The following ADD1 variants were observed in gnomAD, a reference collection of about 807,000 sequenced individuals.
ADD1 encodes the protein adducin 1, also known as alpha-adducin.
In ADD1, 24 loss-of-function variants were observed where a neutral mutation model predicts 80.5. That is an observed-to-expected ratio of 0.30 (90% CI 0.22 to 0.42). The LOEUF (loss-of-function observed/expected upper bound fraction) is 0.42. Among genes scored for constraint, ADD1 ranks in the 10% least tolerant of loss-of-function variants. The pLI, the probability that ADD1 is intolerant of heterozygous loss-of-function variation, is 1.00. For synonymous variants in ADD1, 373 were observed against 393.8 expected, an observed-to-expected ratio of 0.95 and a Z score of 0.63; for missense variants, 948 against 1,019.0, an observed-to-expected ratio of 0.93 and a Z score of 0.95.
At chr4:2,851,871 C>T (rs1166967522) in intron 1 of ADD1, among the ~76,000 whole-genome samples, 3 of 151,368 alleles carry the variant, frequency 2.0e-5, no homozygotes, top group Non-Finnish European at 2.9e-5. Flanking sequence ...GATGGAGTTT[C>T]GCTCTTGTTG....
At chr4:2,892,914 A>G (rs1452505068) in intron 4 of ADD1, among the ~76,000 whole-genome samples, 1 of 151,038 alleles carries the variant, frequency 6.6e-6, no homozygotes, top group African/African-American at 2.4e-5. Context: ...TTTATTTTTT[A>G]TTTATTTTAT....
At chr4:2,908,094 T>G (rs1393993856) in intron 11 of ADD1, among the ~76,000 whole-genome samples, 2 of 152,240 alleles carry the variant, frequency 1.3e-5, no homozygotes, top group African/African-American at 4.8e-5. Flanking sequence ...CGGTCAGAAT[T>G]GGAAGCTGCA....
chr4:2,924,459 C>T (rs1331271390), intron 14 of ADD1, among the ~76,000 whole-genome samples: 2 of 152,142 alleles, frequency 1.3e-5, no homozygotes, highest in South Asian at 2.1e-4. Context: ...TCCTCAGGGC[C>T]GTAAGCTCCA....
At chr4:2,892,034 C>G (rs993612614) in intron 4 of ADD1, among the ~76,000 whole-genome samples, 1 of 152,152 alleles carries the variant, frequency 6.6e-6, no homozygotes, top group African/African-American at 2.4e-5. Context: ...AGTGCTTCAG[C>G]GCCCATGACA....
In ADD1 at chr4:2,908,218, C is replaced by T. The variant is rs149108561; in HGVS notation, c.1609-297C>T. ...CCCTGCCAGTGCTCACATCACTAGA[C>T]GATGGACATGCAGCGAGTGTTTCCC... On this transcript the variant is annotated intron_variant, in intron 11 of 15. Transcript: ENST00000683351. Among the ~76,000 whole-genome samples the T allele has an allele frequency of 6.6e-5, 10 of 152,328 alleles. No homozygotes were observed. In the East Asian group the frequency reaches 1.5e-3, roughly 23 times the overall value.
At chr4:2,844,581 T>C (rs1381094742) in intron 1 of ADD1, 1 of 152,242 alleles carries the variant, frequency 6.6e-6, no homozygotes, top group Non-Finnish European at 1.5e-5. Flanking sequence ...TTTTTCTTAA[T>C]CTTTTATTTT....
intron 1 of ADD1, among the ~76,000 whole-genome samples, chr4:2,873,584 A>G (rs1029487099): frequency 3.3e-5 from 5 of 152,250 alleles, no homozygotes; most frequent in African/African-American, 1.2e-4. Flanking sequence ...ATGGTTTTAC[A>G]AAGATTCCTG....
chr4:2,913,701 G>A (rs951708098), intron 13 of ADD1, among the ~76,000 whole-genome samples: 1 of 151,892 alleles, frequency 6.6e-6, no homozygotes, highest in African/African-American at 2.4e-5. Context: ...CTTGAGGAGC[G>A]GTCGGCCTGT....
intron 1 of ADD1, among the ~76,000 whole-genome samples, chr4:2,871,657 C>T (rs1051335544): frequency 6.6e-6 from 1 of 152,154 alleles, no homozygotes; most frequent in Non-Finnish European, 1.5e-5. Context: ...TGTGATGAGT[C>T]CTGCTCTAAC....
chr4:2,886,714 A>G (rs3775068), intron 4 of ADD1, among the ~76,000 whole-genome samples: 85,130 of 151,974 alleles, frequency 0.56, 24,172 homozygotes, highest in African/African-American at 0.61. Flanking sequence ...CCTCAGTGAA[A>G]TTGTGAACAA....
chr4:2,845,606 C>G (rs1274285909), intron 1 of ADD1, among the ~76,000 whole-genome samples: 2 of 152,096 alleles, frequency 1.3e-5, no homozygotes, highest in Admixed American at 6.5e-5. Flanking sequence ...TCTAGCCAGT[C>G]CCCGAATTGT....
chr4:2,898,162 A>C (rs773882600), intron 6 of ADD1, 22 bp from the exon 7 acceptor site: 5 of 1,596,350 alleles, frequency 3.1e-6, no homozygotes, highest in Non-Finnish European at 4.3e-6. Flanking sequence ...TTCCTTCTTC[A>C]TGGCGACCAT....
At chr4:2,877,733 C>G (rs1394764902) in intron 2 of ADD1, among the ~76,000 whole-genome samples, 1 of 152,132 alleles carries the variant, frequency 6.6e-6, no homozygotes, top group East Asian at 1.9e-4. Flanking sequence ...TGCCTGTAAT[C>G]CCAGCACTTT....
intron 1 of ADD1, chr4:2,844,558 C>T (rs1725890177): frequency 6.6e-6 from 1 of 152,228 alleles, no homozygotes; most frequent in African/African-American, 2.4e-5. Context: ...CCTTTGCCCT[C>T]CCTCTCTTTT....
intron 14 of ADD1, among the ~76,000 whole-genome samples, chr4:2,916,320 C>T (rs1317262392): frequency 4.6e-5 from 7 of 151,822 alleles, no homozygotes; most frequent in East Asian, 1.9e-4. Flanking sequence ...CTCAGCCTCC[C>T]GAGTAGCTGG....
chr4:2,926,492 A>C lies in ADD1; in HGVS notation c.2047+380A>C. 3.7e-6 allele frequency: 3 copies of C among 808,568 alleles called. No individual in the cohort carries two copies. The highest frequency in any genetic ancestry group is 6.2e-6 in the Non-Finnish European group (3 of 487,126). 50.1% of individuals were successfully genotyped at this position (808,568 alleles called of 1,614,324 possible). A position where few individuals can be genotyped will look rare whatever the true frequency, so the allele number is the denominator to read the frequency against. ...AGCCACCGTGTGTCTGTGGTGTGTG[A>C]TCCCGGGTGTCTGTCCCTCGGTCTC... On this transcript the variant is annotated intron_variant, in intron 15 of 15. Transcript: ENST00000683351. The surrounding 1 kb of genome is among the most constrained non-coding windows in gnomAD (Gnocchi z 5.0).
At position 2,928,159 on chromosome 4, in the gene ADD1, C is replaced by T. The variant is rs916414884; in HGVS notation, c.2048-12C>T. 1 of 1,612,914 alleles carries T rather than the reference C, an allele frequency of 6.2e-7. No homozygotes were observed. Reference sequence around the variant, plus strand: ...AGGAACCCTTAATCCCATCTCTCACCTCACCCACTAGACCTTGTGCCGGAG... The same window carrying T: ...AGGAACCCTTAATCCCATCTCTCACTTCACCCACTAGACCTTGTGCCGGAG... On this transcript the variant is annotated splice_polypyrimidine_tract_variant and intron_variant, in intron 15 of 15. Coordinates refer to ENST00000683351, the MANE Select transcript of ADD1 (RefSeq NM_001354761.2).
chr4:2,865,660 A>G (rs1281960639), intron 1 of ADD1, among the ~76,000 whole-genome samples: 3 of 152,134 alleles, frequency 2.0e-5, no homozygotes, highest in African/African-American at 7.2e-5. Context: ...CTTATCTACA[A>G]TCCTGCCAAA....
chr4:2,859,343 T>A (rs1383672450), intron 1 of ADD1, among the ~76,000 whole-genome samples: 1 of 152,154 alleles, frequency 6.6e-6, no homozygotes, highest in Non-Finnish European at 1.5e-5. Flanking sequence ...ATTTTCTTAT[T>A]GAAAAATAAA....
Sources: allele counts gnomAD v4.1 joint callset (sites outside exome capture counted in the v4.1 genomes callset), GRCh38; gene constraint gnomAD v4.1.1; non-coding constraint Gnocchi (gnomAD v3.1); transcripts MANE v1.5; gene names NCBI Gene and HGNC (gene_info 2026-07-23, HGNC 2026-07-21).